ELMO1: variants seen among roughly 807,000 people sequenced by gnomAD.
ELMO1 encodes engulfment and cell motility 1.
Under a neutral mutation model 98.9 loss-of-function variants are expected in ELMO1, and 26 were observed. The ratio of observed to expected loss-of-function variants is 0.26; its 90% CI spans 0.19 to 0.36. The LOEUF (loss-of-function observed/expected upper bound fraction) is 0.36, where lower values mean the gene tolerates loss of function less well. Ranked by LOEUF, ELMO1 falls within the 10% of genes least tolerant of loss-of-function variation. The pLI, the probability that ELMO1 is intolerant of heterozygous loss-of-function variation, is 1.00. For synonymous variants in ELMO1, 346 were observed against 346.0 expected (o/e 1.00, Z 0.00); for missense variants, 627 against 935.2 (o/e 0.67, Z 4.30).
intron 15 of ELMO1, among the ~76,000 whole-genome samples, chr7:37,046,010 G>C (rs1795776935): frequency 6.6e-6 from 1 of 152,164 alleles, no homozygotes; most frequent in Admixed American, 6.5e-5. Context: ...CTCATGGGAG[G>C]CAGGCTTGAA....
intron 14 of ELMO1, chr7:37,117,124 C>A: frequency 4.8e-6 from 1 of 207,874 alleles, no homozygotes; most frequent in Admixed American, 4.5e-5. Context: ...CACAGACTGT[C>A]CAACCTGCGG....
chr7:37,057,037 A>T (rs1796424650), intron 15 of ELMO1, among the ~76,000 whole-genome samples: 1 of 152,246 alleles, frequency 6.6e-6, no homozygotes, highest in Non-Finnish European at 1.5e-5. Context: ...TATTTTTAGT[A>T]GGTTAGGTAT....
chr7:37,111,388 C>T (rs972238747), intron 14 of ELMO1, among the ~76,000 whole-genome samples: 4 of 152,190 alleles, frequency 2.6e-5, no homozygotes, highest in Non-Finnish European at 1.5e-5. Flanking sequence ...GCAGGCTAAC[C>T]AGCTGCTGCA....
At chr7:37,437,902 A>G (rs1381917847) in intron 1 of ELMO1, among the ~76,000 whole-genome samples, 1 of 60,162 alleles carries the variant, frequency 1.7e-5, no homozygotes, top group South Asian at 5.7e-4. Context: ...GAACCCGGGA[A>G]GCGGAGCTTG....
intron 1 of ELMO1, among the ~76,000 whole-genome samples, chr7:37,431,147 G>A (rs542473610): frequency 3.3e-5 from 5 of 152,210 alleles, no homozygotes; most frequent in East Asian, 3.9e-4. Context: ...GACCAGCATG[G>A]GCAACATAGC....
At chr7:37,331,208 C>T (rs1016601545) in intron 2 of ELMO1, among the ~76,000 whole-genome samples, 5 of 150,170 alleles carry the variant, frequency 3.3e-5, no homozygotes, top group African/African-American at 7.3e-5. Flanking sequence ...CTCGCTCTGT[C>T]GCCCAAGTTG....
At chr7:37,241,428 G>A (rs1484255191) in intron 7 of ELMO1, among the ~76,000 whole-genome samples, 1 of 152,036 alleles carries the variant, frequency 6.6e-6, no homozygotes, top group Non-Finnish European at 1.5e-5. Flanking sequence ...ACAGCATAGA[G>A]CTGGGCCATG....
intron 1 of ELMO1, among the ~76,000 whole-genome samples, chr7:37,401,477 C>T (rs1803524503): frequency 6.6e-6 from 1 of 152,134 alleles, no homozygotes; most frequent in South Asian, 2.1e-4. Context: ...TCTGTTCTCA[C>T]ACTGCTATAA....
At chr7:36,864,951 A>G (rs1424016088) in intron 20 of ELMO1, among the ~76,000 whole-genome samples, 1 of 152,164 alleles carries the variant, frequency 6.6e-6, no homozygotes, top group Non-Finnish European at 1.5e-5. Flanking sequence ...ACATCCTTCC[A>G]TGCCCTGAGG....
At chr7:36,882,696 A>G (rs776225101) in intron 18 of ELMO1, among the ~76,000 whole-genome samples, 1 of 152,194 alleles carries the variant, frequency 6.6e-6, no homozygotes, top group Non-Finnish European at 1.5e-5. Context: ...AACTTCAGAA[A>G]TCCCTGTTCT....
intron 1 of ELMO1, among the ~76,000 whole-genome samples, chr7:37,417,589 A>G: frequency 6.6e-6 from 1 of 151,224 alleles, no homozygotes; most frequent in African/African-American, 2.4e-5. Flanking sequence ...GCATGAACCC[A>G]GGAGGCGGAG....
intron 16 of ELMO1, among the ~76,000 whole-genome samples, chr7:36,969,290 T>C (rs1484067349): frequency 6.6e-6 from 1 of 152,144 alleles, no homozygotes; most frequent in Non-Finnish European, 1.5e-5. Context: ...AATTATATTA[T>C]TGAAGTATTC....
intron 1 of ELMO1, among the ~76,000 whole-genome samples, chr7:37,431,615 C>T (rs1332686540): frequency 3.9e-5 from 6 of 152,194 alleles, no homozygotes; most frequent in African/African-American, 1.4e-4. Flanking sequence ...GGCTGGGTCA[C>T]TTTGAAATAG....
intron 10 of ELMO1, among the ~76,000 whole-genome samples, chr7:37,217,413 T>A (rs2130488513): frequency 6.6e-6 from 1 of 152,322 alleles, no homozygotes; most frequent in African/African-American, 2.4e-5. Context: ...TTGGAGCACT[T>A]GGAGCCTTTT....
chr7:37,193,512 A>T (rs1791774641), intron 13 of ELMO1, among the ~76,000 whole-genome samples: 1 of 152,146 alleles, frequency 6.6e-6, no homozygotes. Flanking sequence ...GTTATCAGAG[A>T]GTGACACGGA....
intron 16 of ELMO1, among the ~76,000 whole-genome samples, chr7:36,994,306 T>G (rs1301091973): frequency 6.6e-6 from 1 of 152,242 alleles, no homozygotes; most frequent in African/African-American, 2.4e-5. Context: ...TATGTAATTT[T>G]TCCTTTGCAT....
chr7:37,011,222 TG>T (rs1415719399), intron 16 of ELMO1, among the ~76,000 whole-genome samples: 2 of 152,326 alleles, frequency 1.3e-5, no homozygotes, highest in Admixed American at 1.3e-4. Flanking sequence ...AGTGACACTC[TG>T]GGGGGCTTGC....
rs111363556 is a variant in ELMO1, at chr7:37,444,469, A to G, written c.-74+4206T>C. ...GTCACTTGAGTTTCTAGTTCCTCCA[A>G]GATGGCAGCATGAGGGCCTAGCGCA... On this transcript the variant is annotated intron_variant, in intron 1 of 21. Transcript: ENST00000310758. Among the ~76,000 whole-genome samples the G allele has an allele frequency of 8.2e-3, 1,256 of 152,284 alleles. 22 individuals carry two copies. The highest frequency in any genetic ancestry group is 0.029 in the African/African-American group (1,194 of 41,548).
intron 15 of ELMO1, among the ~76,000 whole-genome samples, chr7:37,087,039 C>G (rs2129243109): frequency 6.6e-6 from 1 of 152,312 alleles, no homozygotes. Context: ...TTTTCTTCAC[C>G]TAAGTTTCCA....
Sources: allele counts gnomAD v4.1 joint callset (sites outside exome capture counted in the v4.1 genomes callset), GRCh38; gene constraint gnomAD v4.1.1; transcripts MANE v1.5; gene names NCBI Gene and HGNC (gene_info 2026-07-23, HGNC 2026-07-21).